Variants in TRIP11 observed in about 807,000 individuals in gnomAD.
TRIP11 encodes the protein thyroid hormone receptor interactor 11, also known as thyroid receptor-interacting protein 11.
TRIP11 carries 148 observed loss-of-function variants against 223.1 expected under a neutral mutation model. The ratio of observed to expected loss-of-function variants is 0.66; its 90% CI spans 0.58 to 0.76. The LOEUF (loss-of-function observed/expected upper bound fraction) is 0.76, where lower values mean the gene tolerates loss of function less well. Among genes scored for constraint, TRIP11 ranks in the 30% least tolerant of loss-of-function variants. The pLI is 0.00. For missense variants in TRIP11, 2,043 were observed against 2,222.0 expected (o/e 0.92, Z 1.62); for synonymous variants, 762 against 772.6 (o/e 0.99, Z 0.23).
chr14:92,000,229 A>AGC, intron 11 of TRIP11, 121 bp from the exon 12 acceptor site: 1 of 1,477,618 alleles, frequency 6.8e-7, no homozygotes, highest in South Asian at 1.2e-5. Context: ...CTCCCGATTT[A>AGC]CTCTCTGAGT....
chr14:92,000,873 T>C (rs1295426305), intron 11 of TRIP11, among the ~76,000 whole-genome samples: 9 of 151,816 alleles, frequency 5.9e-5, no homozygotes, highest in Non-Finnish European at 1.2e-4. Context: ...TCTTTTTTTT[T>C]TTTTTGAGAC....
In TRIP11 at chr14:92,014,401, T is replaced by G; in HGVS notation, c.1000A>C (p.Arg334=). 1.2e-6 allele frequency: 2 copies of G among 1,613,090 alleles called. No individual in the cohort carries two copies. Among genetic ancestry groups the G allele is most frequent in the South Asian group, 2.2e-5 (2 of 90,958 alleles). ...SAENDRDILR[R]EQEQLNVEKR... ...TCCACATTTAGCTGTTCTTGTTCTC[T>G]CCTCAAAATATCTCTGTCATTTTCT... Residue 334 remains arginine, a synonymous_variant, in exon 7 of 21, where the codon AGA becomes CGA. Transcript: ENST00000267622.
At chr14:92,028,293 C>T (rs886733558) in intron 2 of TRIP11, among the ~76,000 whole-genome samples, 5 of 152,174 alleles carry the variant, frequency 3.3e-5, no homozygotes, top group African/African-American at 1.2e-4. Context: ...GGCGTGGTGG[C>T]TCATGCCTGT....
chr14:91,970,553 A>C (rs1388808628), intron 20 of TRIP11, among the ~76,000 whole-genome samples: 1 of 152,224 alleles, frequency 6.6e-6, no homozygotes, highest in African/African-American at 2.4e-5. Context: ...ATAAAAAAAC[A>C]ATGCTATACA....
intron 16 of TRIP11, among the ~76,000 whole-genome samples, chr14:91,981,621 G>T (rs1044439599): frequency 8.5e-5 from 13 of 152,144 alleles, no homozygotes; most frequent in African/African-American, 2.9e-4. Context: ...TCCAACTCCT[G>T]ACCTCAAGTG....
At chr14:91,991,618 C>A (rs1206831597) in intron 15 of TRIP11, among the ~76,000 whole-genome samples, 3 of 152,056 alleles carry the variant, frequency 2.0e-5, no homozygotes, top group Non-Finnish European at 4.4e-5. Context: ...AGATATACAT[C>A]TAAAAAAACT....
At position 92,004,163 on chromosome 14, in the gene TRIP11, G is replaced by C. The variant is rs370971656; in HGVS notation, c.3813C>G (p.Ile1271Met). ...SKLQVDYTGLIQSYEQNETKL... is the reference protein window; with the variant it reads ...SKLQVDYTGLMQSYEQNETKL... ...TGGTTTCATTCTGCTCATAACTTTG[G>C]ATCAGGCCAGTATAGTCCACTTGTA... Residue 1271 changes from isoleucine to methionine, a missense_variant, in exon 11 of 21, where the codon ATC becomes ATG. By Grantham distance (10) the Ile-to-Met change is conservative. Coordinates refer to ENST00000267622, the MANE Select transcript of TRIP11 (RefSeq NM_004239.4). The C allele has an allele frequency of 2.5e-6, 4 of 1,613,988 alleles. No individual in the cohort carries two copies. The highest frequency in any genetic ancestry group is 2.7e-5 in the African/African-American group (2 of 74,902).
rs1290200991 is a variant in TRIP11, at chr14:91,967,349, G to A, written c.*2324C>T. 1.1e-5 allele frequency: 2 copies of A among 175,664 alleles called. No homozygotes were observed. Among genetic ancestry groups the A allele is most frequent in the African/African-American group, 2.4e-5 (1 of 42,046 alleles). The allele number at this position is 175,664 out of a possible 1,614,324, so 10.9% of individuals were successfully genotyped here. ...AGATGGGGTTTCACCATGTTGGCCA[G>A]GCTGGTCTTGAACTCCTGACCTCAG... On this transcript the variant is annotated 3_prime_UTR_variant, in exon 21 of 21. Transcript: ENST00000267622.
intron 9 of TRIP11, among the ~76,000 whole-genome samples, chr14:92,009,534 TAA>T (rs2056945649): frequency 6.6e-6 from 1 of 152,060 alleles, no homozygotes; most frequent in Non-Finnish European, 1.5e-5. Context: ...GTCAGTCAGG[TAA>T]AGAGCAGAAT....
intron 15 of TRIP11, among the ~76,000 whole-genome samples, chr14:91,989,824 C>G (rs1322677020): frequency 6.6e-6 from 1 of 152,100 alleles, no homozygotes; most frequent in Non-Finnish European, 1.5e-5. Flanking sequence ...TTCTTAAAAG[C>G]CAGGGTTTAG....
intron 13 of TRIP11, among the ~76,000 whole-genome samples, 195 bp from the exon 14 acceptor site, chr14:91,995,710 G>C (rs1180489529): frequency 6.6e-6 from 1 of 151,602 alleles, no homozygotes; most frequent in Non-Finnish European, 1.5e-5. Context: ...CCACCTCCTA[G>C]GTTCCAGCGA....
intron 14 of TRIP11, among the ~76,000 whole-genome samples, chr14:91,995,110 ATC>A (rs2056732805): frequency 6.6e-6 from 1 of 151,926 alleles, no homozygotes; most frequent in Admixed American, 6.6e-5. Context: ...CTCAACTCTC[ATC>A]TCTCACTGGT....
chr14:92,004,432 TCTGACA>T lies in TRIP11; in HGVS notation c.3538_3543del (p.Cys1180_Gln1181del). The T allele has an allele frequency of 1.2e-6, 2 of 1,613,960 alleles. No homozygotes were observed. The highest frequency in any genetic ancestry group is 1.7e-6 in the Non-Finnish European group (2 of 1,180,026). ...GATGTTTGTAAAACTGCCAATAAAGTCTGACATTTCTGACTTAGTGCATCTATTTCG... is the reference window on the plus strand; with the variant it reads ...GATGTTTGTAAAACTGCCAATAAAGTTTTCTGACTTAGTGCATCTATTTCG... On this transcript the variant is annotated inframe_deletion, in exon 11 of 21. Coordinates refer to ENST00000267622, the MANE Select transcript of TRIP11 (RefSeq NM_004239.4).
At chr14:91,975,902 C>A (rs1400423994) in intron 17 of TRIP11, among the ~76,000 whole-genome samples, 1 of 152,000 alleles carries the variant, frequency 6.6e-6, no homozygotes, top group Non-Finnish European at 1.5e-5. Context: ...AAAGAATGAG[C>A]TGGAAAAAAA....
intron 16 of TRIP11, among the ~76,000 whole-genome samples, chr14:91,979,100 T>C (rs1373576803): frequency 6.6e-6 from 1 of 151,776 alleles, no homozygotes; most frequent in African/African-American, 2.4e-5. Flanking sequence ...CTACAAGAAA[T>C]ACAAAAATTA....
intron 2 of TRIP11, among the ~76,000 whole-genome samples, chr14:92,029,166 T>C (rs2057227781): frequency 1.3e-5 from 2 of 151,926 alleles, no homozygotes; most frequent in South Asian, 4.1e-4. Context: ...AAAAAATTAT[T>C]CCCAACTATT....
chr14:92,026,203 C>T (rs930444176), intron 2 of TRIP11, among the ~76,000 whole-genome samples: 2 of 151,724 alleles, frequency 1.3e-5, no homozygotes, highest in East Asian at 1.9e-4. Context: ...TGAAGGACCT[C>T]GGAAAAAATC....
chr14:92,022,018 CAATT>C (rs2057122200), intron 3 of TRIP11, among the ~76,000 whole-genome samples, 187 bp from the exon 4 acceptor site: 1 of 152,182 alleles, frequency 6.6e-6, no homozygotes. Flanking sequence ...AACACACTCA[CAATT>C]AAAGCATAAA....
intron 3 of TRIP11, among the ~76,000 whole-genome samples, chr14:92,022,122 G>T (rs1490887179): frequency 6.6e-6 from 1 of 152,196 alleles, no homozygotes; most frequent in Admixed American, 6.5e-5. Flanking sequence ...TATCTTCTCT[G>T]CATGGAGTAG....
Sources: gnomAD v4.1 joint callset for allele counts (sites outside exome capture counted in the v4.1 genomes callset) on GRCh38, gnomAD v4.1.1 for gene constraint, MANE v1.5 for transcripts, NCBI Gene and HGNC (gene_info 2026-07-23, HGNC 2026-07-21) for gene names.